The following EPHA5 variants were observed in gnomAD, a reference collection of about 807,000 sequenced individuals.
EPHA5 encodes EPH receptor A5, also known as ephrin type-A receptor 5.
Under a neutral mutation model 105.0 loss-of-function variants are expected in EPHA5, and 60 were observed. The observed-to-expected ratio is 0.57, with a 90% CI of 0.46 to 0.71. The LOEUF is 0.71. EPHA5 is among the 30% of genes least tolerant of loss of function. The pLI is 0.00. For synonymous variants in EPHA5, 513 were observed against 449.1 expected, an observed-to-expected ratio of 1.14 and a Z score of -1.80; for missense variants, 1,218 against 1,274.7, an observed-to-expected ratio of 0.96 and a Z score of 0.68.
intron 11 of EPHA5, among the ~76,000 whole-genome samples, chr4:65,362,946 A>G (rs1717475388): frequency 6.6e-6 from 1 of 151,718 alleles, no homozygotes; most frequent in Non-Finnish European, 1.5e-5. Context: ...CAAATGAAGA[A>G]ACGTTTTAGA....
chr4:65,388,083 T>A (rs1337786493), intron 8 of EPHA5, among the ~76,000 whole-genome samples: 2 of 150,364 alleles, frequency 1.3e-5, no homozygotes, highest in Non-Finnish European at 3.0e-5. Flanking sequence ...TTTTTTGTCC[T>A]TGTGATAGTT....
intron 2 of EPHA5, among the ~76,000 whole-genome samples, chr4:65,608,503 CA>C (rs909016151): frequency 5.6e-4 from 71 of 126,116 alleles, no homozygotes; most frequent in Admixed American, 5.9e-4. Flanking sequence ...GACTCCATCT[CA>C]AAAAAAAAAA....
intron 5 of EPHA5, among the ~76,000 whole-genome samples, chr4:65,447,273 TG>T (rs1342565045): frequency 2.0e-5 from 3 of 152,032 alleles, no homozygotes; most frequent in African/African-American, 7.2e-5. Flanking sequence ...TATTTGCTAT[TG>T]GGTGGAGACT....
At chr4:65,478,721 C>T (rs931018618) in intron 5 of EPHA5, among the ~76,000 whole-genome samples, 7 of 152,234 alleles carry the variant, frequency 4.6e-5, no homozygotes, top group Admixed American at 1.3e-4. Flanking sequence ...TTCTGCCCAC[C>T]GAGGCCTCCC....
intron 5 of EPHA5, among the ~76,000 whole-genome samples, chr4:65,440,014 T>C (rs905939868): frequency 1.1e-4 from 17 of 152,106 alleles, no homozygotes; most frequent in Non-Finnish European, 1.9e-4. Flanking sequence ...TATCAGAAAA[T>C]AAATAGAAAT....
At chr4:65,626,111 A>C (rs1476205482) in intron 2 of EPHA5, among the ~76,000 whole-genome samples, 2 of 151,908 alleles carry the variant, frequency 1.3e-5, no homozygotes, top group Non-Finnish European at 2.9e-5. Flanking sequence ...AAAAAAAAAA[A>C]AAAAAATGCA....
intron 1 of EPHA5, among the ~76,000 whole-genome samples, chr4:65,658,902 T>A (rs1421188494): frequency 6.6e-6 from 1 of 152,162 alleles, no homozygotes; most frequent in East Asian, 1.9e-4. Flanking sequence ...GCTTCTCTAA[T>A]CTATTCTACA....
intron 5 of EPHA5, among the ~76,000 whole-genome samples, chr4:65,433,905 G>A (rs1433787552): frequency 1.3e-5 from 2 of 152,004 alleles, no homozygotes; most frequent in East Asian, 1.9e-4. Context: ...TTAGCAAGGC[G>A]TCGTGGCAGG....
intron 2 of EPHA5, among the ~76,000 whole-genome samples, chr4:65,630,253 A>G (rs115990181): frequency 3.0e-4 from 46 of 152,218 alleles, no homozygotes; most frequent in Admixed American, 4.6e-4. Context: ...CAGCTTCCCT[A>G]TGAGATCTCA....
Position 65,335,953 on chromosome 4 carries a change from G to A in EPHA5, c.2768C>T (p.Thr923Met), listed in dbSNP as rs773217274. 31 of 1,611,320 alleles carry A rather than the reference G, an allele frequency of 1.9e-5. No homozygotes were observed. The highest frequency in any genetic ancestry group is 5.4e-5 in the African/African-American group (4 of 74,680). The change falls in exon 15 of 17, where the codon ACG (threonine) becomes ATG (methionine). Residue 923 changes from threonine to methionine, a missense_variant. Coordinates refer to ENST00000613740, the MANE Select transcript of EPHA5 (RefSeq NM_001281766.3). ...KLIRNPSSLKTLVNASCRVSN... is the reference protein window; with the variant it reads ...KLIRNPSSLKMLVNASCRVSN... ...GTACCTGCAGGATGCATTAACCAGC[G>A]TCTTCAGACTACTTGGGTTACGTAT... is the stretch of plus-strand genomic sequence containing the variant.
chr4:65,397,093 T>A (rs2148970182), intron 8 of EPHA5, among the ~76,000 whole-genome samples: 1 of 152,316 alleles, frequency 6.6e-6, no homozygotes, highest in South Asian at 2.1e-4. Flanking sequence ...TTTGGCCCTG[T>A]CCAATTTGCA....
At chr4:65,449,226 G>T in intron 5 of EPHA5, among the ~76,000 whole-genome samples, 1 of 152,050 alleles carries the variant, frequency 6.6e-6, no homozygotes, top group Non-Finnish European at 1.5e-5. Flanking sequence ...AAAATTATAT[G>T]AAAAGTTTAA....
chr4:65,339,530 C>T (rs1721506198), intron 14 of EPHA5, among the ~76,000 whole-genome samples: 1 of 152,042 alleles, frequency 6.6e-6, no homozygotes, highest in African/African-American at 2.4e-5. Context: ...AAGAGTTAAG[C>T]TCTTAGGGCA....
intron 14 of EPHA5, among the ~76,000 whole-genome samples, chr4:65,347,050 GT>G (rs1430582106): frequency 2.0e-5 from 3 of 152,166 alleles, no homozygotes; most frequent in Non-Finnish European, 4.4e-5. Flanking sequence ...AGATTGGAAA[GT>G]GAGTGTTAAT....
At chr4:65,562,489 A>G (rs962895428) in intron 3 of EPHA5, among the ~76,000 whole-genome samples, 1 of 152,046 alleles carries the variant, frequency 6.6e-6, no homozygotes, top group African/African-American at 2.4e-5. Flanking sequence ...TTAAATTGAC[A>G]TAAGAAAAAT....
At chr4:65,614,834 T>C (rs1239839049) in intron 2 of EPHA5, among the ~76,000 whole-genome samples, 1 of 151,846 alleles carries the variant, frequency 6.6e-6, no homozygotes, top group Non-Finnish European at 1.5e-5. Context: ...GATCTTTACA[T>C]GATTCTAAAG....
chr4:65,419,628 C>T (rs1301628258), intron 6 of EPHA5, among the ~76,000 whole-genome samples: 3 of 152,112 alleles, frequency 2.0e-5, no homozygotes, highest in Non-Finnish European at 2.9e-5. Context: ...TCCTAAGGTG[C>T]GTATGCCATT....
chr4:65,519,263 C>T (rs1008504519), intron 3 of EPHA5, among the ~76,000 whole-genome samples: 1 of 151,826 alleles, frequency 6.6e-6, no homozygotes, highest in Non-Finnish European at 1.5e-5. Context: ...ATAAACAGAA[C>T]CAAAGACAAA....
Position 65,321,481 on chromosome 4 carries a change from T to C in EPHA5, c.*2633A>G, listed in dbSNP as rs895143485. The C allele has an allele frequency of 3.9e-5, 9 of 229,602 alleles. 1 individual carries two copies. The highest frequency in any genetic ancestry group is 3.4e-4 in the Admixed American group (6 of 17,606). 14.2% of individuals were successfully genotyped at this position (229,602 alleles called of 1,614,324 possible). A position where few individuals can be genotyped will look rare whatever the true frequency, so the allele number is the denominator to read the frequency against. ...AAACAAATATTTTAGGAAGGCATTC[T>C]TTCCTCTTTTTTAGGGAGAGTACTT... On this transcript the variant is annotated 3_prime_UTR_variant, in exon 17 of 17. Transcript: ENST00000613740.
Sources: allele counts gnomAD v4.1 joint callset (sites outside exome capture counted in the v4.1 genomes callset), GRCh38; gene constraint gnomAD v4.1.1; transcripts MANE v1.5; gene names NCBI Gene and HGNC (gene_info 2026-07-23, HGNC 2026-07-21).